The following CMTM8 variants were observed in gnomAD, a reference collection of about 807,000 sequenced individuals.
CMTM8 encodes the protein CKLF-like MARVEL transmembrane domain-containing protein 8.
Under a neutral mutation model 18.6 loss-of-function variants are expected in CMTM8, and 12 were observed. The observed-to-expected ratio is 0.65, with a 90% CI of 0.41 to 1.05. The LOEUF (loss-of-function observed/expected upper bound fraction) is 1.05, where lower values mean the gene tolerates loss of function less well. CMTM8 is among the 50% of genes least tolerant of loss of function. The probability of loss-of-function intolerance (pLI) is 0.00; values close to 1 mark genes in which losing one functional copy is unlikely to be tolerated. For synonymous variants in CMTM8, 87 were observed against 90.6 expected, an observed-to-expected ratio of 0.96 and a Z score of 0.23; for missense variants, 217 against 227.2, an observed-to-expected ratio of 0.95 and a Z score of 0.29.
At chr3:32,278,872 A>G (rs1435977124) in intron 1 of CMTM8, among the ~76,000 whole-genome samples, 6 of 152,316 alleles carry the variant, frequency 3.9e-5, no homozygotes, top group Admixed American at 3.3e-4. Context: ...TAACAGTGAA[A>G]TAGTGTATTA....
chr3:32,264,392 C>A (rs1341664684), intron 1 of CMTM8, among the ~76,000 whole-genome samples: 3 of 152,124 alleles, frequency 2.0e-5, no homozygotes, highest in African/African-American at 7.2e-5. Flanking sequence ...CCTTTACAGA[C>A]AAGCAAATGC....
At chr3:32,306,451 A>AT (rs1436550331) in intron 1 of CMTM8, among the ~76,000 whole-genome samples, 5 of 152,184 alleles carry the variant, frequency 3.3e-5, no homozygotes, top group Non-Finnish European at 7.4e-5. Flanking sequence ...TTGCAAAGGG[A>AT]TGGTTATAGG....
chr3:32,346,309 A>G (rs1696594633), intron 1 of CMTM8, among the ~76,000 whole-genome samples: 1 of 152,220 alleles, frequency 6.6e-6, no homozygotes, highest in Non-Finnish European at 1.5e-5. Context: ...CTTTACCCGT[A>G]TCTATAGTTA....
chr3:32,334,902 G>A (rs941827470), intron 1 of CMTM8, among the ~76,000 whole-genome samples: 2 of 152,004 alleles, frequency 1.3e-5, no homozygotes, highest in East Asian at 1.9e-4. Flanking sequence ...TGCAATCCTA[G>A]GCCAACTCCT....
intron 1 of CMTM8, among the ~76,000 whole-genome samples, chr3:32,269,005 A>G (rs1702394508): frequency 6.6e-6 from 1 of 152,234 alleles, no homozygotes; most frequent in East Asian, 1.9e-4. Context: ...TTAGGTTTTA[A>G]AGGATGCAAC....
chr3:32,269,919 A>T (rs183762157), intron 1 of CMTM8, among the ~76,000 whole-genome samples: 25 of 151,508 alleles, frequency 1.7e-4, no homozygotes, highest in African/African-American at 5.8e-4. Flanking sequence ...CTAGGACTAC[A>T]GGCTTGCACT....
chr3:32,322,403 C>T (rs1251519616), intron 1 of CMTM8, among the ~76,000 whole-genome samples: 1 of 152,140 alleles, frequency 6.6e-6, no homozygotes, highest in Non-Finnish European at 1.5e-5. Context: ...GACTAATTTA[C>T]ATTTTGCTTC....
intron 1 of CMTM8, among the ~76,000 whole-genome samples, chr3:32,292,315 T>TAG (rs1702794305): frequency 1.3e-5 from 2 of 152,216 alleles, no homozygotes. Context: ...TCCTCTCGTA[T>TAG]AGATGCCTCA....
At position 32,301,181 on chromosome 3, in the gene CMTM8, C is replaced by G. The variant is rs372353745; in HGVS notation, c.148-56192C>G. Among the ~76,000 whole-genome samples, 28 of 152,182 alleles carry G rather than the reference C, an allele frequency of 1.8e-4. No homozygotes were observed. The East Asian group carries it at 5.4e-3, about 29-fold the overall frequency. ...ACCCGGTTTGTTTCTAAGTTTCCAGCCTTATCCCGGCATTCATCTTTCCAC... is the reference window on the plus strand; with the variant it reads ...ACCCGGTTTGTTTCTAAGTTTCCAGGCTTATCCCGGCATTCATCTTTCCAC... On this transcript the variant is annotated intron_variant, in intron 1 of 3. Coordinates refer to ENST00000307526, the MANE Select transcript of CMTM8 (RefSeq NM_178868.5).
chr3:32,365,390 T>C (rs1185118828), intron 2 of CMTM8, among the ~76,000 whole-genome samples: 1 of 152,086 alleles, frequency 6.6e-6, no homozygotes, highest in Non-Finnish European at 1.5e-5. Flanking sequence ...CCTCCCTTCC[T>C]CCAAAAAAAG....
chr3:32,320,063 T>C (rs778794974), intron 1 of CMTM8, among the ~76,000 whole-genome samples: 5 of 152,226 alleles, frequency 3.3e-5, no homozygotes, highest in Admixed American at 6.5e-5. Flanking sequence ...AAAATCTAAA[T>C]TGACCCCTTG....
intron 1 of CMTM8, among the ~76,000 whole-genome samples, chr3:32,324,899 G>T (rs1284255874): frequency 6.6e-6 from 1 of 152,230 alleles, no homozygotes; most frequent in Non-Finnish European, 1.5e-5. Context: ...GTAACATAAG[G>T]GGAGACCAAA....
intron 1 of CMTM8, among the ~76,000 whole-genome samples, chr3:32,341,554 T>C (rs1414735958): frequency 1.3e-5 from 2 of 152,224 alleles, no homozygotes; most frequent in Admixed American, 6.5e-5. Context: ...TTAAATTACT[T>C]ACGGCATGAT....
intron 1 of CMTM8, among the ~76,000 whole-genome samples, chr3:32,307,501 A>T (rs964484546): frequency 4.6e-5 from 7 of 152,050 alleles, no homozygotes; most frequent in Non-Finnish European, 1.0e-4. Flanking sequence ...ATCCTCGGGG[A>T]GATGATAAGT....
intron 1 of CMTM8, chr3:32,260,294 A>G (rs6796318): frequency 0.12 from 89,202 of 724,236 alleles, 7,002 homozygotes; most frequent in African/African-American, 0.31. Flanking sequence ...AGGTCATTGG[A>G]AAAAAAAAGT....
At chr3:32,329,041 A>C (rs987984769) in intron 1 of CMTM8, among the ~76,000 whole-genome samples, 2 of 152,226 alleles carry the variant, frequency 1.3e-5, no homozygotes, top group African/African-American at 2.4e-5. Context: ...CAAAGATACT[A>C]TACTACAAAC....
At chr3:32,325,961 G>A (rs1696142848) in intron 1 of CMTM8, among the ~76,000 whole-genome samples, 1 of 152,214 alleles carries the variant, frequency 6.6e-6, no homozygotes, top group Non-Finnish European at 1.5e-5. Context: ...CTTCAACCAG[G>A]ATGGGGGCAT....
chr3:32,299,465 A>G (rs1164167661), intron 1 of CMTM8, among the ~76,000 whole-genome samples: 1 of 152,186 alleles, frequency 6.6e-6, no homozygotes, highest in Non-Finnish European at 1.5e-5. Context: ...GTATTAGGTC[A>G]TTTTTAAGAA....
intron 1 of CMTM8, among the ~76,000 whole-genome samples, chr3:32,240,571 G>T (rs1237653787): frequency 6.6e-6 from 1 of 152,134 alleles, no homozygotes; most frequent in African/African-American, 2.4e-5. Flanking sequence ...TTATCGATAT[G>T]CTCTGTGTAC....
Sources: allele counts gnomAD v4.1 joint callset (sites outside exome capture counted in the v4.1 genomes callset), GRCh38; gene constraint gnomAD v4.1.1; transcripts MANE v1.5; gene names NCBI Gene and HGNC (gene_info 2026-07-23, HGNC 2026-07-21).